Variants in RBMS3 observed in about 807,000 individuals in gnomAD.
RBMS3 encodes RNA binding motif single stranded interacting protein 3, also known as RNA-binding motif, single-stranded-interacting protein 3.
RBMS3 carries 27 observed loss-of-function variants against 66.8 expected under a neutral mutation model. That is an observed-to-expected ratio of 0.40 (90% CI 0.30 to 0.56). RBMS3 has a LOEUF of 0.56. RBMS3 is among the 20% of genes least tolerant of loss of function. The pLI, the probability that RBMS3 is intolerant of heterozygous loss-of-function variation, is 0.40. For synonymous variants in RBMS3, 188 were observed against 183.0 expected (o/e 1.03, Z -0.22); for missense variants, 513 against 549.5 (o/e 0.93, Z 0.66).
At chr3:29,610,029 T>A (rs563902560) in intron 4 of RBMS3, among the ~76,000 whole-genome samples, 1 of 152,226 alleles carries the variant, frequency 6.6e-6, no homozygotes, top group African/African-American at 2.4e-5. Flanking sequence ...AGTAGAAACA[T>A]TAATTTTAAA....
chr3:29,519,149 T>C (rs2044755209), intron 3 of RBMS3, among the ~76,000 whole-genome samples: 1 of 152,174 alleles, frequency 6.6e-6, no homozygotes, highest in South Asian at 2.1e-4. Flanking sequence ...AGAAAGCAAT[T>C]TGTCCATGTT....
chr3:29,828,977 ACTTT>A (rs368382303), intron 6 of RBMS3, among the ~76,000 whole-genome samples: 12,748 of 97,564 alleles, frequency 0.13, 624 homozygotes, highest in East Asian at 0.16. Context: ...TTAGCGAGTG[ACTTT>A]CTTTCTTTCT....
At chr3:29,554,113 TTC>T (rs1490097847) in intron 3 of RBMS3, among the ~76,000 whole-genome samples, 1 of 152,228 alleles carries the variant, frequency 6.6e-6, no homozygotes, top group Non-Finnish European at 1.5e-5. Context: ...AATTACCACG[TTC>T]TCCTTCCTAG....
chr3:29,600,753 T>G (rs1251325808), intron 4 of RBMS3, among the ~76,000 whole-genome samples: 1 of 152,038 alleles, frequency 6.6e-6, no homozygotes, highest in Non-Finnish European at 1.5e-5. Context: ...TTAAATAGCA[T>G]TTTTTGAAAG....
chr3:29,816,386 C>A (rs553241560), intron 6 of RBMS3, among the ~76,000 whole-genome samples: 21 of 151,988 alleles, frequency 1.4e-4, no homozygotes, highest in African/African-American at 5.1e-4. Flanking sequence ...TGACCCACTC[C>A]CCTACATGCA....
chr3:29,369,134 G>A (rs1253430015), intron 1 of RBMS3, among the ~76,000 whole-genome samples: 1 of 151,986 alleles, frequency 6.6e-6, no homozygotes, highest in Non-Finnish European at 1.5e-5. Flanking sequence ...ACACATAGAG[G>A]GGAACAGCCG....
At chr3:29,984,496 T>C (rs1698229506) in intron 12 of RBMS3, among the ~76,000 whole-genome samples, 1 of 152,032 alleles carries the variant, frequency 6.6e-6, no homozygotes. Flanking sequence ...AGAGGCATTC[T>C]GGTTTTTGGA....
Position 29,990,532 on chromosome 3 carries a change from T to C in RBMS3, c.1180-550T>C, listed in dbSNP as rs184910732. Reference sequence around the variant, plus strand: ...AAATTAAGGACAAGTTTTGTTGTTGTTTTCTTAAAACTTCTTGATGACTTT... The same window carrying C: ...AAATTAAGGACAAGTTTTGTTGTTGCTTTCTTAAAACTTCTTGATGACTTT... On this transcript the variant is annotated intron_variant, in intron 13 of 14. Transcript: ENST00000383767. Among the ~76,000 whole-genome samples the C allele has an allele frequency of 4.6e-5, 7 of 151,452 alleles. No homozygotes were observed. The East Asian group carries it at 7.7e-4, about 17-fold the overall frequency.
intron 1 of RBMS3, among the ~76,000 whole-genome samples, chr3:29,342,452 T>C (rs561713146): frequency 1.6e-4 from 24 of 152,324 alleles, no homozygotes; most frequent in African/African-American, 5.5e-4. Flanking sequence ...GTGTCTATTA[T>C]TGGCACCTCC....
At chr3:29,392,935 T>C (rs1470506822) in intron 1 of RBMS3, among the ~76,000 whole-genome samples, 1 of 152,084 alleles carries the variant, frequency 6.6e-6, no homozygotes, top group Non-Finnish European at 1.5e-5. Flanking sequence ...GGAAGACTTA[T>C]CTTCTCCCTG....
intron 3 of RBMS3, among the ~76,000 whole-genome samples, chr3:29,559,509 TCAAAAAAAAAAAAAAAA>T (rs1559468332): frequency 1.2e-4 from 2 of 16,618 alleles, no homozygotes; most frequent in African/African-American, 2.0e-4. Flanking sequence ...AGACTCTGTC[TCAAAAAAAAAAAAAAAA>T]AAAAAAAAAA....
chr3:29,991,022 T>A, intron 13 of RBMS3, 60 bp from the exon 14 acceptor site: 1 of 1,542,048 alleles, frequency 6.5e-7, no homozygotes, highest in Non-Finnish European at 8.9e-7. Flanking sequence ...TTACAGCCTA[T>A]CTAGAGAGGG....
At chr3:29,421,468 C>A (rs72853312) in intron 1 of RBMS3, among the ~76,000 whole-genome samples, 4,341 of 152,076 alleles carry the variant, frequency 0.029, 206 homozygotes, top group African/African-American at 0.099. Context: ...TAGTTTATTT[C>A]TTGTATATAA....
intron 4 of RBMS3, among the ~76,000 whole-genome samples, chr3:29,597,225 A>G (rs1317188714): frequency 1.3e-5 from 2 of 152,192 alleles, no homozygotes; most frequent in African/African-American, 4.8e-5. Context: ...ACAGGTAGCT[A>G]TAATTTTTCC....
intron 4 of RBMS3, among the ~76,000 whole-genome samples, chr3:29,682,524 AG>A (rs545133932): frequency 3.5e-4 from 53 of 152,160 alleles, no homozygotes; most frequent in Admixed American, 2.0e-3. Flanking sequence ...TGTGTTAGGA[AG>A]GATCCTGTCT....
chr3:29,966,674 G>C (rs1473847132), intron 12 of RBMS3, among the ~76,000 whole-genome samples: 1 of 152,098 alleles, frequency 6.6e-6, no homozygotes, highest in Non-Finnish European at 1.5e-5. Flanking sequence ...TGATTTGGAT[G>C]CCCTTTATTT....
At chr3:29,474,004 G>A (rs1426884702) in intron 2 of RBMS3, among the ~76,000 whole-genome samples, 4 of 152,236 alleles carry the variant, frequency 2.6e-5, no homozygotes, top group Non-Finnish European at 1.5e-5. Context: ...TGGGAGTCCA[G>A]GCAGAGGAGA....
intron 10 of RBMS3, among the ~76,000 whole-genome samples, chr3:29,922,469 G>C: frequency 7.1e-6 from 1 of 141,226 alleles, no homozygotes; most frequent in East Asian, 2.1e-4. Flanking sequence ...AGTCCGGCCT[G>C]GGCGACAGAG....
At chr3:29,442,776 C>T (rs1165668208) in intron 2 of RBMS3, among the ~76,000 whole-genome samples, 2 of 152,082 alleles carry the variant, frequency 1.3e-5, no homozygotes, top group African/African-American at 4.8e-5. Context: ...TAATTAAGCT[C>T]TCTGTTACTT....
Sources: allele counts gnomAD v4.1 joint callset (sites outside exome capture counted in the v4.1 genomes callset), GRCh38; gene constraint gnomAD v4.1.1; transcripts MANE v1.5; gene names NCBI Gene and HGNC (gene_info 2026-07-23, HGNC 2026-07-21).